PPP2R2D: variants seen among roughly 807,000 people sequenced by gnomAD.
PPP2R2D encodes protein phosphatase 2 regulatory subunit Bdelta.
In PPP2R2D, 9 loss-of-function variants were observed where a neutral mutation model predicts 31.1. That is an observed-to-expected ratio of 0.29 (90% confidence interval 0.17 to 0.51). The LOEUF (loss-of-function observed/expected upper bound fraction) is 0.51, where lower values mean the gene tolerates loss of function less well. Ranked by LOEUF, PPP2R2D falls within the 20% of genes least tolerant of loss-of-function variation. The probability of loss-of-function intolerance (pLI) is 0.98; values close to 1 mark genes in which losing one functional copy is unlikely to be tolerated. For missense variants in PPP2R2D, 391 were observed against 465.6 expected, an observed-to-expected ratio of 0.84 and a Z score of 1.48; for synonymous variants, 179 against 172.6, an observed-to-expected ratio of 1.04 and a Z score of -0.29.
chr10:131,907,906 G>A (rs1307265939), intron 2 of PPP2R2D, among the ~76,000 whole-genome samples: 2 of 152,192 alleles, frequency 1.3e-5, no homozygotes, highest in Admixed American at 1.3e-4. Context: ...CTGATTTTAA[G>A]CAGTCTGCTG....
intron 2 of PPP2R2D, among the ~76,000 whole-genome samples, chr10:131,904,056 T>G (rs2035543317): frequency 6.6e-6 from 1 of 151,962 alleles, no homozygotes; most frequent in African/African-American, 2.4e-5. Context: ...ATACAAAAAT[T>G]AGCCAGGCGT....
At chr10:131,912,790 G>A (rs2035705199) in intron 2 of PPP2R2D, among the ~76,000 whole-genome samples, 1 of 152,098 alleles carries the variant, frequency 6.6e-6, no homozygotes, top group Non-Finnish European at 1.5e-5. Context: ...TATCCTTTTT[G>A]ATGGCTGCAT....
At chr10:131,963,685 C>T (rs118061828), downstream of PPP2R2D, among the ~76,000 whole-genome samples, 22 of 152,366 alleles carry the variant, frequency 1.4e-4, no homozygotes, top group East Asian at 3.9e-4. Context: ...CCCCAGGCAG[C>T]GCGCTGACAC....
At chr10:131,909,536 C>T (rs1183215923) in intron 2 of PPP2R2D, among the ~76,000 whole-genome samples, 2 of 152,180 alleles carry the variant, frequency 1.3e-5, no homozygotes, top group African/African-American at 4.8e-5. Context: ...GTTGCAACGA[C>T]TGAATTCAAC....
chr10:131,953,015 T>C, intron 8 of PPP2R2D, among the ~76,000 whole-genome samples: 1 of 119,700 alleles, frequency 8.4e-6, no homozygotes, highest in Non-Finnish European at 1.7e-5. Flanking sequence ...GGGTTCACTG[T>C]CTTAGTGACT....
Position 131,913,990 on chromosome 10 carries a change from T to C in PPP2R2D, c.100+12660T>C, listed in dbSNP as rs977301131. ...CTTTTTCTGTATCGTGCACAACACC[T>C]ACCACTGCACCGGCACACAGGAAGG... is the stretch of plus-strand genomic sequence containing the variant. On this transcript the variant is annotated intron_variant, in intron 2 of 8. Coordinates refer to ENST00000455566, the MANE Select transcript of PPP2R2D (RefSeq NM_018461.5). Among the ~76,000 whole-genome samples the C allele has an allele frequency of 3.9e-5, 6 of 152,192 alleles. No homozygotes were observed. In the East Asian group the frequency reaches 9.6e-4, roughly 24 times the overall value.
Position 131,904,041 on chromosome 10 carries a change from TAAAAATAC to T in PPP2R2D, c.100+2718_100+2725del, listed in dbSNP as rs1477076385. On this transcript the variant is annotated intron_variant, in intron 2 of 8. Coordinates refer to ENST00000455566, the MANE Select transcript of PPP2R2D (RefSeq NM_018461.5). Reference sequence around the variant, plus strand: ...CAATATGGCGAAACCCCATCTCTACTAAAAATACAAAAATTAGCCAGGCGTGGCAGGGC... The same window carrying T: ...CAATATGGCGAAACCCCATCTCTACTAAAAATTAGCCAGGCGTGGCAGGGC... 2.6e-5 allele frequency among the ~76,000 whole-genome samples: 4 copies of T among 151,908 alleles called. No individual in the cohort carries two copies. The East Asian group carries it at 5.8e-4, about 22-fold the overall frequency.
Position 131,910,977 on chromosome 10 carries a change from C to T in PPP2R2D, c.100+9647C>T, listed in dbSNP as rs1429933168. 2.6e-5 allele frequency among the ~76,000 whole-genome samples: 4 copies of T among 152,182 alleles called. No individual in the cohort carries two copies. In the South Asian group the frequency reaches 6.2e-4, roughly 24 times the overall value. ...CACGGGAGCTCTGTGTCTCAGCCCC[C>T]GTCCCTCGCCCTGTGCATCACCTCA... On this transcript the variant is annotated intron_variant, in intron 2 of 8. Transcript: ENST00000455566.
intron 2 of PPP2R2D, among the ~76,000 whole-genome samples, chr10:131,933,225 A>G (rs959861816): frequency 6.6e-6 from 1 of 152,146 alleles, no homozygotes; most frequent in East Asian, 1.9e-4. Flanking sequence ...TGCTGTGTAG[A>G]TGTTGGTGGA....
At chr10:131,935,691 A>C (rs2036326823) in intron 3 of PPP2R2D, among the ~76,000 whole-genome samples, 1 of 152,084 alleles carries the variant, frequency 6.6e-6, no homozygotes, top group African/African-American at 2.4e-5. Flanking sequence ...TATATCGTTA[A>C]TATTTCTTCA....
At chr10:131,924,070 T>G (rs1403169802) in intron 2 of PPP2R2D, among the ~76,000 whole-genome samples, 1 of 152,236 alleles carries the variant, frequency 6.6e-6, no homozygotes, top group African/African-American at 2.4e-5. Context: ...TACAAGTCCC[T>G]TATCAGATAC....
chr10:131,909,032 T>C (rs920051016), intron 2 of PPP2R2D, among the ~76,000 whole-genome samples: 1 of 151,940 alleles, frequency 6.6e-6, no homozygotes, highest in South Asian at 2.1e-4. Context: ...ACTGAGGCAA[T>C]GTGAAGAAGT....
At chr10:131,966,242 G>A in the PPP2R2D span, among the ~76,000 whole-genome samples, 2 of 152,200 alleles carry the variant, frequency 1.3e-5, no homozygotes, top group African/African-American at 4.8e-5. Context: ...CTGCATCAGA[G>A]TAAATATCAG....
intron 2 of PPP2R2D, among the ~76,000 whole-genome samples, chr10:131,924,082 T>C: frequency 6.6e-6 from 1 of 152,196 alleles, no homozygotes; most frequent in East Asian, 1.9e-4. Flanking sequence ...ATCAGATACA[T>C]AATTTGCAAA....
At chr10:131,944,196 T>C in intron 6 of PPP2R2D, 51 bp downstream of exon 6, 1 of 1,480,950 alleles carries the variant, frequency 6.8e-7, no homozygotes. Context: ...GCTCTTTAGA[T>C]AGTAATTTCT....
Position 131,940,647 on chromosome 10 carries a change from G to T in PPP2R2D, c.430G>T (p.Asp144Tyr). ...AAGAGCAGAAGGTTATAACCTGAAA[G>T]ACGAAGATGGAAGACTTCGAGACCC... is the stretch of plus-strand genomic sequence containing the variant. ...DKRAEGYNLK[D>Y]EDGRLRDPFR... Residue 144 changes from aspartate (D) to tyrosine (Y), a missense_variant, in exon 5 of 9, where the codon GAC becomes TAC. Coordinates refer to ENST00000455566, the MANE Select transcript of PPP2R2D (RefSeq NM_018461.5). 1 of 778,748 alleles carries T rather than the reference G, an allele frequency of 1.3e-6. No homozygotes were observed. Among genetic ancestry groups the T allele is most frequent in the Non-Finnish European group, 2.4e-6 (1 of 417,032 alleles). The allele number at this position is 778,748 out of a possible 1,614,324, so 48.2% of individuals were successfully genotyped here.
chr10:131,952,756 CGG>C (rs1322361772), intron 8 of PPP2R2D, among the ~76,000 whole-genome samples: 15 of 45,664 alleles, frequency 3.3e-4, no homozygotes, highest in African/African-American at 1.3e-3. Context: ...TGCGGGTGTG[CGG>C]GGGGTTCACT....
chr10:131,967,674 A>T, the PPP2R2D span: 1 of 152,654 alleles, frequency 6.6e-6, no homozygotes, highest in African/African-American at 2.4e-5. Context: ...ACCATATGTA[A>T]ATACAGTAAT....
At chr10:131,949,281 C>A (rs1421240908) in intron 8 of PPP2R2D, among the ~76,000 whole-genome samples, 1 of 152,204 alleles carries the variant, frequency 6.6e-6, no homozygotes, top group Non-Finnish European at 1.5e-5. Context: ...ACTGCTTTCA[C>A]AGCGGGCAGT....
Sources: gnomAD v4.1 joint callset for allele counts (sites outside exome capture counted in the v4.1 genomes callset) on GRCh38, gnomAD v4.1.1 for gene constraint, MANE v1.5 for transcripts, NCBI Gene and HGNC (gene_info 2026-07-23, HGNC 2026-07-21) for gene names.